Variants in KCNIP1 observed in about 807,000 individuals in gnomAD.
KCNIP1 encodes potassium voltage-gated channel interacting protein 1, also known as A-type potassium channel modulatory protein KCNIP1.
A neutral mutation model predicts 33.0 loss-of-function variants in KCNIP1; 18 were observed. The observed-to-expected ratio is 0.55, with a 90% CI of 0.38 to 0.81. The LOEUF is 0.81. KCNIP1 is among the 30% of genes least tolerant of loss of function. KCNIP1 has a pLI of 0.00. For missense variants in KCNIP1, 238 were observed against 271.6 expected, an observed-to-expected ratio of 0.88 and a Z score of 0.87; for synonymous variants, 93 against 98.3, an observed-to-expected ratio of 0.95 and a Z score of 0.32.
At chr5:170,607,654 GCCT>G (rs946866577) in intron 1 of KCNIP1, among the ~76,000 whole-genome samples, 3 of 152,220 alleles carry the variant, frequency 2.0e-5, no homozygotes, top group Non-Finnish European at 4.4e-5. Flanking sequence ...GTTCATCCCT[GCCT>G]CCTCAGTGGC....
chr5:170,687,895 G>C (rs917178637), intron 1 of KCNIP1, among the ~76,000 whole-genome samples: 3 of 152,186 alleles, frequency 2.0e-5, no homozygotes, highest in African/African-American at 7.2e-5. Flanking sequence ...CAAAGACTGA[G>C]TTATCCAACT....
chr5:170,713,602 T>C (rs1335394978), intron 1 of KCNIP1, among the ~76,000 whole-genome samples: 2 of 152,220 alleles, frequency 1.3e-5, no homozygotes, highest in South Asian at 4.1e-4. Context: ...TCCAGATTTG[T>C]ACATGGATCT....
chr5:170,385,550 G>T lies in KCNIP1; in HGVS notation c.88+31586G>T, dbSNP rs1581135692. 1.9e-5 allele frequency: 25 copies of T among 1,296,342 alleles called. No individual in the cohort carries two copies. The Admixed American group carries it at 2.7e-4, about 14-fold the overall frequency. The allele number at this position is 1,296,342 out of a possible 1,614,324, so 80.3% of individuals were successfully genotyped here. A position where few individuals can be genotyped will look rare whatever the true frequency, so the allele number is the denominator to read the frequency against. On this transcript the variant is annotated intron_variant, in intron 1 of 7. Coordinates refer to the KCNIP1 transcript ENST00000377360. The stretch of plus-strand genomic sequence containing the variant: ...ACAGAAAGAGAGGACAGGTGAGAGG[G>T]GAAGGTACTCAACTATTAATATCAC...
chr5:170,693,255 C>T (rs954207351), intron 1 of KCNIP1, among the ~76,000 whole-genome samples: 9 of 2,320 alleles, frequency 3.9e-3, no homozygotes, highest in Admixed American at 7.5e-3. Flanking sequence ...CCCCCATCCC[C>T]CCGACACACA....
intron 1 of KCNIP1, among the ~76,000 whole-genome samples, chr5:170,380,426 A>T (rs997013436): frequency 6.6e-6 from 1 of 152,246 alleles, no homozygotes; most frequent in Non-Finnish European, 1.5e-5. Context: ...CCCAAATGGC[A>T]GGTGTTGAGC....
At chr5:170,431,129 G>A (rs1022175876) in intron 1 of KCNIP1, among the ~76,000 whole-genome samples, 7 of 152,228 alleles carry the variant, frequency 4.6e-5, no homozygotes, top group Non-Finnish European at 8.8e-5. Context: ...AGGGACTTGC[G>A]GAAAGTGGCT....
At chr5:170,461,102 A>C (rs776456480) in intron 1 of KCNIP1, among the ~76,000 whole-genome samples, 1 of 152,220 alleles carries the variant, frequency 6.6e-6, no homozygotes, top group Non-Finnish European at 1.5e-5. Context: ...ATACCTAACC[A>C]AGGAGATGAA....
At chr5:170,587,499 G>A (rs1758044867) in intron 1 of KCNIP1, among the ~76,000 whole-genome samples, 1 of 149,850 alleles carries the variant, frequency 6.7e-6, no homozygotes, top group Non-Finnish European at 1.5e-5. Context: ...TCCAAAATGA[G>A]TCTTATGGGA....
chr5:170,470,995 T>C (rs557488186), intron 1 of KCNIP1, among the ~76,000 whole-genome samples: 1 of 152,368 alleles, frequency 6.6e-6, no homozygotes, highest in South Asian at 2.1e-4. Flanking sequence ...GGTTGAGATG[T>C]TATCTTTAGT....
chr5:170,382,467 C>A (rs542479521), intron 1 of KCNIP1, among the ~76,000 whole-genome samples: 1 of 152,124 alleles, frequency 6.6e-6, no homozygotes, highest in Non-Finnish European at 1.5e-5. Context: ...GCCCTGACAG[C>A]CTTTTCCAGC....
intron 1 of KCNIP1, among the ~76,000 whole-genome samples, chr5:170,661,663 C>G (rs1450943659): frequency 1.3e-5 from 2 of 152,200 alleles, no homozygotes; most frequent in Non-Finnish European, 2.9e-5. Flanking sequence ...GACACATGGG[C>G]TACTGCTCAC....
intron 1 of KCNIP1, among the ~76,000 whole-genome samples, chr5:170,672,796 G>A (rs548918035): frequency 3.3e-5 from 5 of 152,368 alleles, no homozygotes; most frequent in Non-Finnish European, 5.9e-5. Flanking sequence ...CAAACAGGGT[G>A]TAGGAAGGCA....
intron 1 of KCNIP1, among the ~76,000 whole-genome samples, chr5:170,675,796 A>C (rs556560776): frequency 6.3e-4 from 96 of 152,306 alleles, no homozygotes; most frequent in African/African-American, 2.3e-3. Flanking sequence ...ATAAAACAGA[A>C]ATAATGCTGT....
intron 1 of KCNIP1, among the ~76,000 whole-genome samples, chr5:170,669,887 T>A (rs970280802): frequency 1.3e-5 from 2 of 152,250 alleles, no homozygotes; most frequent in Non-Finnish European, 2.9e-5. Context: ...CTTGTCTTTG[T>A]GGTAATGAAG....
chr5:170,425,292 A>G (rs1581180156), intron 1 of KCNIP1, among the ~76,000 whole-genome samples: 1 of 152,222 alleles, frequency 6.6e-6, no homozygotes, highest in Non-Finnish European at 1.5e-5. Context: ...AAATGAATTA[A>G]CTTGTCTCAT....
intron 1 of KCNIP1, among the ~76,000 whole-genome samples, chr5:170,386,886 A>G (rs1235249940): frequency 6.6e-6 from 1 of 151,824 alleles, no homozygotes; most frequent in African/African-American, 2.4e-5. Context: ...TCCCCTGGAC[A>G]TTGACTCCAC....
intron 1 of KCNIP1, among the ~76,000 whole-genome samples, chr5:170,515,991 C>T: frequency 6.6e-6 from 1 of 152,128 alleles, no homozygotes; most frequent in East Asian, 1.9e-4. Context: ...AGGCAGGCAA[C>T]AAGAAGGGGA....
intron 1 of KCNIP1, among the ~76,000 whole-genome samples, chr5:170,449,955 G>A (rs1756208213): frequency 6.6e-6 from 1 of 152,126 alleles, no homozygotes; most frequent in Admixed American, 6.5e-5. Flanking sequence ...CAAAAGTTTT[G>A]GGAAAGGATT....
At chr5:170,418,737 C>T (rs928709496) in intron 1 of KCNIP1, among the ~76,000 whole-genome samples, 6 of 152,160 alleles carry the variant, frequency 3.9e-5, no homozygotes, top group Non-Finnish European at 8.8e-5. Flanking sequence ...ACAAAAAGCC[C>T]GTCCCACCTC....
Sources: allele counts gnomAD v4.1 joint callset (sites outside exome capture counted in the v4.1 genomes callset), GRCh38; gene constraint gnomAD v4.1.1; transcripts MANE v1.5; gene names NCBI Gene and HGNC (gene_info 2026-07-23, HGNC 2026-07-21).